Variants in YEATS2 observed in about 807,000 individuals in gnomAD.
YEATS2 encodes the protein YEATS domain containing 2, also known as YEATS domain-containing protein 2.
YEATS2 carries 77 observed loss-of-function variants against 163.2 expected under a neutral mutation model. The observed-to-expected ratio is 0.47, with a 90% CI of 0.39 to 0.57. The LOEUF is 0.57. YEATS2 is among the 20% of genes least tolerant of loss of function. The pLI is 0.00. For missense variants in YEATS2, 1,549 were observed against 1,729.8 expected, an observed-to-expected ratio of 0.90 and a Z score of 1.85; for synonymous variants, 631 against 645.1, an observed-to-expected ratio of 0.98 and a Z score of 0.33.
At chr3:183,796,337 T>G (rs1490691494) in intron 21 of YEATS2, among the ~76,000 whole-genome samples, 1 of 151,878 alleles carries the variant, frequency 6.6e-6, no homozygotes, top group African/African-American at 2.4e-5. Flanking sequence ...TTGTATTGTT[T>G]GTGCCTTGTA....
chr3:183,759,867 G>A (rs569648184), intron 13 of YEATS2, among the ~76,000 whole-genome samples: 13 of 152,310 alleles, frequency 8.5e-5, no homozygotes, highest in African/African-American at 2.4e-4. Flanking sequence ...ATCCTAAGTC[G>A]GGGAGCATCA....
rs368742610 is a variant in YEATS2, at chr3:183,808,130, C to T, written c.4086+26C>T. 72 of 1,546,084 alleles carry T rather than the reference C, an allele frequency of 4.7e-5. No individual in the cohort carries two copies. The African/African-American group carries it at 9.7e-4, about 21-fold the overall frequency. On this transcript the variant is annotated intron_variant, in intron 29 of 30. Transcript: ENST00000305135. ...GTGGGTGCCTGCAGGGGCCGCCAGC[C>T]AGGAAGGATGGTTGCATCCCAGGCG...
chr3:183,752,383 C>G, intron 10 of YEATS2, 130 bp downstream of exon 10: 1 of 1,175,384 alleles, frequency 8.5e-7, no homozygotes, highest in Non-Finnish European at 1.2e-6. Context: ...CTACACAGTT[C>G]TGTTATGAAA....
intron 15 of YEATS2, among the ~76,000 whole-genome samples, chr3:183,766,132 T>C (rs1011759913): frequency 6.6e-6 from 1 of 152,118 alleles, no homozygotes; most frequent in Non-Finnish European, 1.5e-5. Flanking sequence ...AAGGAAGCAG[T>C]GTGTTAAAGT....
chr3:183,782,704 G>A (rs1448553562), intron 19 of YEATS2, among the ~76,000 whole-genome samples: 3 of 152,092 alleles, frequency 2.0e-5, no homozygotes, highest in Non-Finnish European at 4.4e-5. Context: ...GATTTCAGGC[G>A]TGAGCCACCG....
chr3:183,769,694 TTTTA>T (rs1277083558), intron 15 of YEATS2, among the ~76,000 whole-genome samples: 1 of 152,136 alleles, frequency 6.6e-6, no homozygotes, highest in Non-Finnish European at 1.5e-5. Flanking sequence ...ACTGTTTTCA[TTTTA>T]TTTATTTATT....
At chr3:183,773,535 G>T in intron 16 of YEATS2, 98 bp from the exon 17 acceptor site, 1 of 1,175,334 alleles carries the variant, frequency 8.5e-7, no homozygotes. Flanking sequence ...TTGCTTGTTA[G>T]TGTTCTAAAA....
Position 183,728,698 on chromosome 3 carries a change from C to G in YEATS2, c.659C>G (p.Pro220Arg). The G allele has an allele frequency of 6.2e-7, 1 of 1,605,938 alleles. No individual in the cohort carries two copies. The highest frequency in any genetic ancestry group is 2.2e-5 in the East Asian group (1 of 44,706). The change falls in exon 7 of 31, where the codon CCT becomes CGT. Residue 220 changes from proline to arginine, a missense_variant. Transcript: ENST00000305135. ...IVVGNVSKYI[P>R]PDKREENDQS... is the part of the protein sequence containing the mutation. ...TTTTTCTTCTTCTCTAGGTATATAC[C>G]TCCGGATAAGAGGGAAGAAAATGAC...
At chr3:183,762,906 C>T (rs1174655631) in intron 15 of YEATS2, among the ~76,000 whole-genome samples, 2 of 151,870 alleles carry the variant, frequency 1.3e-5, no homozygotes, top group African/African-American at 4.8e-5. Flanking sequence ...ACAATATTAG[C>T]GGGGTGTGGT....
intron 7 of YEATS2, 59 bp from the exon 8 acceptor site, chr3:183,736,659 T>C (rs1718372974): frequency 2.3e-6 from 3 of 1,302,246 alleles, no homozygotes; most frequent in Non-Finnish European, 3.1e-6. Context: ...AGGAAACTTT[T>C]CCTGTGTAGG....
chr3:183,769,888 T>C (rs990716686), intron 15 of YEATS2, among the ~76,000 whole-genome samples: 2 of 151,660 alleles, frequency 1.3e-5, no homozygotes, highest in African/African-American at 4.8e-5. Context: ...GGTTTCACCA[T>C]GTTGGCCAGG....
intron 9 of YEATS2, among the ~76,000 whole-genome samples, chr3:183,749,685 A>G (rs1429065491): frequency 2.6e-5 from 4 of 152,120 alleles, no homozygotes; most frequent in Non-Finnish European, 4.4e-5. Flanking sequence ...TCTCTCACCC[A>G]GCCTGGAGTG....
intron 7 of YEATS2, among the ~76,000 whole-genome samples, chr3:183,731,771 G>A (rs1380104271): frequency 4.6e-5 from 7 of 152,148 alleles, no homozygotes; most frequent in Admixed American, 2.0e-4. Context: ...GAGGTTTGAC[G>A]TCATCGAAAT....
At chr3:183,762,053 G>A in intron 14 of YEATS2, 44 bp from the exon 15 acceptor site, 3 of 1,611,868 alleles carry the variant, frequency 1.9e-6, no homozygotes, top group Non-Finnish European at 2.5e-6. Context: ...TATAAAATGG[G>A]ATGTTTATGG....
chr3:183,770,190 C>T (rs1002141147), intron 15 of YEATS2, among the ~76,000 whole-genome samples: 4 of 151,388 alleles, frequency 2.6e-5, no homozygotes, highest in African/African-American at 7.3e-5. Flanking sequence ...AGATCAAGAC[C>T]GTCCTGGCTA....
At chr3:183,737,358 G>A (rs148352310) in intron 8 of YEATS2, among the ~76,000 whole-genome samples, 29 of 152,212 alleles carry the variant, frequency 1.9e-4, no homozygotes, top group Non-Finnish European at 3.5e-4. Flanking sequence ...AATAGTGGGG[G>A]GAAGAGATAC....
chr3:183,714,423 C>T (rs1715609295), intron 1 of YEATS2, among the ~76,000 whole-genome samples: 1 of 151,546 alleles, frequency 6.6e-6, no homozygotes, highest in Admixed American at 6.6e-5. Flanking sequence ...GTCTCAATCT[C>T]CTGACCTCGT....
At chr3:183,699,114 G>A (rs765687819) in intron 1 of YEATS2, among the ~76,000 whole-genome samples, 1 of 152,126 alleles carries the variant, frequency 6.6e-6, no homozygotes, top group Non-Finnish European at 1.5e-5. Context: ...GACTAGGCCC[G>A]TGGCAGGGAG....
intron 21 of YEATS2, among the ~76,000 whole-genome samples, chr3:183,795,898 A>G (rs995516306): frequency 6.6e-6 from 1 of 151,922 alleles, no homozygotes; most frequent in African/African-American, 2.4e-5. Context: ...CTTGCTCTAG[A>G]AAGTATTTAA....
Sources: allele counts gnomAD v4.1 joint callset (sites outside exome capture counted in the v4.1 genomes callset), GRCh38; gene constraint gnomAD v4.1.1; transcripts MANE v1.5; gene names NCBI Gene and HGNC (gene_info 2026-07-23, HGNC 2026-07-21).